The following MYPN variants were observed in gnomAD, a reference collection of about 807,000 sequenced individuals.
MYPN encodes myopalladin.
In MYPN, 63 loss-of-function variants were observed where a neutral mutation model predicts 129.4. The observed-to-expected ratio is 0.49, with a 90% CI of 0.40 to 0.60. MYPN has a LOEUF of 0.60. Ranked by LOEUF, MYPN falls within the 20% of genes least tolerant of loss-of-function variation. The pLI is 0.00. For missense variants in MYPN, 1,596 were observed against 1,635.4 expected, an observed-to-expected ratio of 0.98 and a Z score of 0.42; for synonymous variants, 629 against 600.9, an observed-to-expected ratio of 1.05 and a Z score of -0.68.
intron 8 of MYPN, among the ~76,000 whole-genome samples, chr10:68,164,466 T>A (rs2043025214): frequency 6.6e-6 from 1 of 152,172 alleles, no homozygotes. Context: ...TTGGGGGACA[T>A]GTTCAAATAG....
At chr10:68,200,075 A>G (rs911588561) in intron 17 of MYPN, among the ~76,000 whole-genome samples, 1 of 152,198 alleles carries the variant, frequency 6.6e-6, no homozygotes, top group Non-Finnish European at 1.5e-5. Context: ...TTCCCAGCCT[A>G]ACAACCGTAA....
At chr10:68,134,963 T>C (rs2042464188) in intron 2 of MYPN, among the ~76,000 whole-genome samples, 1 of 151,630 alleles carries the variant, frequency 6.6e-6, no homozygotes, top group African/African-American at 2.4e-5. Flanking sequence ...TATTTTATTA[T>C]TTTTTTTGAA....
intron 2 of MYPN, among the ~76,000 whole-genome samples, chr10:68,130,060 G>A (rs1350580069): frequency 6.6e-6 from 1 of 151,974 alleles, no homozygotes; most frequent in Non-Finnish European, 1.5e-5. Flanking sequence ...TTTTTTGTTT[G>A]TTGACCTTTC....
chr10:68,153,995 A>G (rs948570517), intron 6 of MYPN, among the ~76,000 whole-genome samples: 1 of 152,106 alleles, frequency 6.6e-6, no homozygotes, highest in Non-Finnish European at 1.5e-5. Flanking sequence ...GTGACAGCGA[A>G]GTACTTATCT....
chr10:68,200,885 G>T (rs910529110), intron 17 of MYPN, among the ~76,000 whole-genome samples: 1 of 152,014 alleles, frequency 6.6e-6, no homozygotes, highest in Non-Finnish European at 1.5e-5. Flanking sequence ...AATAAAACAG[G>T]AAAAACTCAT....
intron 12 of MYPN, among the ~76,000 whole-genome samples, chr10:68,182,310 C>T (rs61854657): frequency 6.1e-5 from 3 of 48,982 alleles, no homozygotes; most frequent in Admixed American, 5.5e-4. Context: ...ATATAACACA[C>T]ACATATATAT....
Position 68,143,013 on chromosome 10 carries a change from C to T in MYPN, c.976C>T (p.Leu326=), listed in dbSNP as rs775613480. The T allele has an allele frequency of 5.0e-6, 8 of 1,614,028 alleles. No homozygotes were observed. The highest frequency in any genetic ancestry group is 5.1e-6 in the Non-Finnish European group (6 of 1,180,024). Residue 326 remains leucine, a synonymous_variant, in exon 3 of 20, where the codon CTG becomes TTG. Coordinates refer to ENST00000358913, the MANE Select transcript of MYPN (RefSeq NM_032578.4). ...HIVQAGNLHS[L]TIAEAFEEDT... is the part of the protein sequence containing the mutation. ...CGTCCAGGCAGGAAATCTGCACTCA[C>T]TGACCATTGCGGAAGCCTTTGAAGA...
At chr10:68,137,344 G>C (rs1003109665) in intron 2 of MYPN, among the ~76,000 whole-genome samples, 3 of 152,198 alleles carry the variant, frequency 2.0e-5, no homozygotes, top group Non-Finnish European at 4.4e-5. Flanking sequence ...TATGTAGTCA[G>C]AAACAGGAGG....
intron 2 of MYPN, among the ~76,000 whole-genome samples, chr10:68,141,810 A>G (rs2042583321): frequency 6.6e-6 from 1 of 152,096 alleles, no homozygotes; most frequent in Non-Finnish European, 1.5e-5. Flanking sequence ...CGTAAACCCC[A>G]TTTCTTATAC....
At chr10:68,142,485 A>G (rs1227187798) in intron 2 of MYPN, among the ~76,000 whole-genome samples, 2 of 152,220 alleles carry the variant, frequency 1.3e-5, no homozygotes, top group Non-Finnish European at 2.9e-5. Flanking sequence ...TAACAGAACA[A>G]ATTAATTTTC....
chr10:68,135,227 A>C (rs1203751296), intron 2 of MYPN, among the ~76,000 whole-genome samples: 1 of 152,182 alleles, frequency 6.6e-6, no homozygotes, highest in African/African-American at 2.4e-5. Flanking sequence ...TGCTGGGATC[A>C]CAGGCGTGAG....
chr10:68,182,304 AACAC>A (rs201682907), intron 12 of MYPN, among the ~76,000 whole-genome samples: 7,791 of 65,992 alleles, frequency 0.12, 1,901 homozygotes, highest in Non-Finnish European at 0.15. Context: ...ACATATATAT[AACAC>A]ACACATATAT....
rs188633493 is a variant in MYPN at position 68,205,312 on chromosome 10, T to C, written c.3660-1458T>C. On this transcript the variant is annotated intron_variant, in intron 18 of 19. Coordinates refer to ENST00000358913, the MANE Select transcript of MYPN (RefSeq NM_032578.4). ...CATTACTCTAGCATTTGTTGCATTC[T>C]ATTTATCTTTATTTCTACTTATTTA... Among the ~76,000 whole-genome samples, 354 of 152,168 alleles carry C rather than the reference T, an allele frequency of 2.3e-3. 6 individuals carry two copies. Among genetic ancestry groups the C allele is most frequent in the Middle Eastern group, 6.8e-3 (2 of 294 alleles).
chr10:68,199,696 T>TACCACAGTGAAGGGGAAA, intron 17 of MYPN, 121 bp downstream of exon 17: 4 of 976,462 alleles, frequency 4.1e-6, no homozygotes, highest in Non-Finnish European at 6.4e-6. Context: ...CAATTTCCCC[T>TACCACAGTGAAGGGGAAA]TCACTGTGGT....
At chr10:68,147,303 C>A (rs562995488) in intron 4 of MYPN, among the ~76,000 whole-genome samples, 1 of 152,094 alleles carries the variant, frequency 6.6e-6, no homozygotes, top group Admixed American at 6.6e-5. Context: ...TACAGGCACA[C>A]GCCACCATGC....
chr10:68,135,601 C>A, intron 2 of MYPN: 1 of 506,850 alleles, frequency 2.0e-6, no homozygotes, highest in Non-Finnish European at 2.5e-6. Flanking sequence ...TGAAGCTGGG[C>A]AAAGACAATT....
At position 68,135,472 on chromosome 10, in the gene MYPN, A is replaced by G. The variant is rs1484958615; in HGVS notation, c.903-7468A>G. The G allele has an allele frequency of 8.1e-6, 8 of 983,444 alleles. No individual in the cohort carries two copies. The African/African-American group carries it at 1.2e-4, about 15-fold the overall frequency. The allele number at this position is 983,444 out of a possible 1,614,324, so 60.9% of individuals were successfully genotyped here. ...GATATATTCCAGTTGCACTCTGTAT[A>G]TGAAGAAGAGTTACTCTGATGCTTG... On this transcript the variant is annotated intron_variant, in intron 2 of 19. Coordinates refer to ENST00000358913, the MANE Select transcript of MYPN (RefSeq NM_032578.4).
In MYPN at chr10:68,195,578, C is replaced by T. The variant is rs373059417; in HGVS notation, c.3158+46C>T. On this transcript the variant is annotated intron_variant, in intron 15 of 19. Coordinates refer to ENST00000358913, the MANE Select transcript of MYPN (RefSeq NM_032578.4). ...CCCTCTCTAGGCCCTTCCCAAGCAC[C>T]TGCCCACTATCGTGAGCACCAAAGT... The T allele has an allele frequency of 4.0e-6, 6 of 1,493,044 alleles. No homozygotes were observed. The African/African-American group carries it at 8.3e-5, about 21-fold the overall frequency. The allele number at this position is 1,493,044 out of a possible 1,614,324, so 92.5% of individuals were successfully genotyped here.
At position 68,194,517 on chromosome 10, in the gene MYPN, A is replaced by G. The variant is rs1451326646; in HGVS notation, c.3075+5A>G. 6.2e-7 allele frequency: 1 copy of G among 1,612,876 alleles called. No homozygotes were observed. The highest frequency in any genetic ancestry group is 1.7e-4 in the Middle Eastern group (1 of 6,058). On this transcript the variant is annotated splice_donor_5th_base_variant and intron_variant, in intron 14 of 19. Coordinates refer to ENST00000358913, the MANE Select transcript of MYPN (RefSeq NM_032578.4). ...ATCATGGCAGCCAACCCCCAGGTGG[A>G]GACGCAGGGTTCTGCGCTGTGCTGC...
Sources: gnomAD v4.1 joint callset for allele counts (sites outside exome capture counted in the v4.1 genomes callset) on GRCh38, gnomAD v4.1.1 for gene constraint, MANE v1.5 for transcripts, NCBI Gene and HGNC (gene_info 2026-07-23, HGNC 2026-07-21) for gene names.